The following PDZD7 variants were observed in gnomAD, a reference collection of about 807,000 sequenced individuals.
PDZD7 encodes PDZ domain-containing protein 7.
Under a neutral mutation model 84.7 loss-of-function variants are expected in PDZD7, and 72 were observed. The observed-to-expected ratio is 0.85, with a 90% CI of 0.70 to 1.03. The LOEUF is 1.03. Ranked by LOEUF, PDZD7 falls within the 50% of genes least tolerant of loss-of-function variation. PDZD7 has a pLI of 0.00. For missense variants in PDZD7, 1,490 were observed against 1,412.9 expected (o/e 1.05, Z -0.87); for synonymous variants, 594 against 580.7 (o/e 1.02, Z -0.33).
Position 101,022,292 on chromosome 10 carries a change from G to A in PDZD7, c.636C>T (p.His212=). 1 of 1,614,226 alleles carries A rather than the reference G, an allele frequency of 6.2e-7. No individual in the cohort carries two copies. The highest frequency in any genetic ancestry group is 8.5e-7 in the Non-Finnish European group (1 of 1,180,054). ...AGAAGTCGTCGGAGGTTGTGTATAG[G>A]TGGACGATGCGCCGGACACCATCTT... ...SSEDGVRRIV[H]LYTTSDDFCL... The change falls in exon 5 of 17, where the codon CAC becomes CAT. Residue 212 remains histidine (H), a synonymous_variant. Transcript: ENST00000619208.
intron 11 of PDZD7, 27 bp downstream of exon 11, chr10:101,015,609 A>G (rs1386917568): frequency 6.5e-7 from 1 of 1,541,856 alleles, no homozygotes; most frequent in African/African-American, 1.4e-5. Flanking sequence ...ACCGTGTGCC[A>G]GGGCTGCGGA....
At chr10:101,030,627 C>G (rs528331250) in intron 1 of PDZD7, 23 of 372,696 alleles carry the variant, frequency 6.2e-5, no homozygotes, top group Non-Finnish European at 1.6e-5. Flanking sequence ...CATCTACTCC[C>G]GTCCCCAGTC....
intron 8 of PDZD7, 115 bp from the exon 9 acceptor site, chr10:101,018,411 GC>G (rs1852838976): frequency 4.4e-6 from 5 of 1,128,446 alleles, no homozygotes; most frequent in South Asian, 4.1e-5. Flanking sequence ...GACAGGATCT[GC>G]AGCTACGCCG....
At position 101,015,652 on chromosome 10, in the gene PDZD7, G is replaced by A; in HGVS notation, c.1733C>T (p.Thr578Ile). 1 of 1,549,910 alleles carries A rather than the reference G, an allele frequency of 6.5e-7. No homozygotes were observed. The highest frequency in any genetic ancestry group is 8.7e-7 in the Non-Finnish European group (1 of 1,146,486). ...LLTDDEVLAVTRHCSRYVHEG... is the reference protein window; with the variant it reads ...LLTDDEVLAVIRHCSRYVHEG... Reference sequence around the variant, plus strand: ...AAGGCTTACCCGGGAGCAGTGGCGGGTGACAGCCAGCACCTCGTCATCAGT... The same window carrying A: ...AAGGCTTACCCGGGAGCAGTGGCGGATGACAGCCAGCACCTCGTCATCAGT... The change falls in exon 11 of 17, where the codon ACC becomes ATC. Residue 578 changes from threonine to isoleucine, a missense_variant. By Grantham distance (89) the Thr-to-Ile change is moderately conservative (BLOSUM62 -1). Transcript: ENST00000619208.
intron 9 of PDZD7, chr10:101,017,873 A>AAGAAAGAAAGAG (rs1852759411): frequency 1.6e-5 from 6 of 383,210 alleles, no homozygotes; most frequent in Middle Eastern, 7.3e-4. Flanking sequence ...GAAAGAAAGA[A>AAGAAAGAAAGAG]AGAAAGAAAG....
In PDZD7 at chr10:101,008,990, T is replaced by A. The variant is rs367910833; in HGVS notation, c.2719-140A>T. 39 of 1,149,602 alleles carry A rather than the reference T, an allele frequency of 3.4e-5. No homozygotes were observed. In the African/African-American group the frequency reaches 4.2e-4, roughly 12 times the overall value. The allele number at this position is 1,149,602 out of a possible 1,614,324, so 71.2% of individuals were successfully genotyped here. A position where few individuals can be genotyped will look rare whatever the true frequency, so the allele number is the denominator to read the frequency against. On this transcript the variant is annotated intron_variant, in intron 16 of 16. Coordinates refer to ENST00000619208, the MANE Select transcript of PDZD7 (RefSeq NM_001195263.2). ...GGGTGGAGGGGATGGACAATGAGACTTTTGTGCCTGCAGTTGTTGGGGGCA... is the reference window on the plus strand; with the variant it reads ...GGGTGGAGGGGATGGACAATGAGACATTTGTGCCTGCAGTTGTTGGGGGCA...
At position 101,030,134 on chromosome 10, in the gene PDZD7, C is replaced by G; in HGVS notation, c.86G>C (p.Gly29Ala). 6.2e-7 allele frequency: 1 copy of G among 1,614,144 alleles called. No individual in the cohort carries two copies. The highest frequency in any genetic ancestry group is 8.5e-7 in the Non-Finnish European group (1 of 1,180,028). ...SGSLSSLSSR[G>A]HLGSDSGSTA... ...GGAGCCTGAGTCGCTGCCTAGGTGG[C>G]CTCGGGAGGAGAGGGAGCTCAGAGA... The change falls in exon 2 of 17, where the codon GGC (glycine) becomes GCC (alanine). Residue 29 changes from glycine (G) to alanine (A), a missense_variant. Transcript: ENST00000619208.
chr10:101,018,392 G>T, intron 8 of PDZD7, 96 bp from the exon 9 acceptor site: 1 of 1,345,702 alleles, frequency 7.4e-7, no homozygotes, highest in African/African-American at 1.4e-5. Flanking sequence ...GAAGGGAGAG[G>T]AGAGGGCAGA....
rs1388637161 is a variant in PDZD7 at position 101,019,185 on chromosome 10, C to T, written c.961G>A (p.Ala321Thr). The change falls in exon 8 of 17, where the codon GCC becomes ACC. Residue 321 changes from alanine (A) to threonine (T), a missense_variant. Transcript: ENST00000619208. Reference sequence around the variant, plus strand: ...GAGACGCTGGAGCTGCTCTCAGAGGCCGGGGACAGCTGCTGCAGCACCCCG... The same window carrying T: ...GAGACGCTGGAGCTGCTCTCAGAGGTCGGGGACAGCTGCTGCAGCACCCCG... ...SNGVLQQLSP[A>T]SESSSSVSSC... The T allele has an allele frequency of 3.9e-6, 6 of 1,536,238 alleles. No individual in the cohort carries two copies. The Admixed American group carries it at 1.2e-4, about 30-fold the overall frequency.
chr10:101,012,320 A>T, intron 11 of PDZD7, 62 bp from the exon 12 acceptor site: 9 of 1,339,976 alleles, frequency 6.7e-6, no homozygotes, highest in Non-Finnish European at 9.4e-6. Context: ...AGTGAGGGGG[A>T]CACCAGGGCA....
chr10:101,016,319 C>T lies in PDZD7; in HGVS notation c.1573+58G>A, dbSNP rs112529018. 775 of 1,528,468 alleles carry T rather than the reference C, an allele frequency of 5.1e-4. 7 individuals carry two copies. In the African/African-American group the frequency reaches 9.2e-3, roughly 18 times the overall value. 94.7% of individuals were successfully genotyped at this position (1,528,468 alleles called of 1,614,324 possible). On this transcript the variant is annotated intron_variant, in intron 10 of 16. Transcript: ENST00000619208. ...AGCCACTCAGCTGGCCCCCAGTATG[C>T]ACCCTCATCTGCCGCTCTACTGTAA...
At position 101,022,176 on chromosome 10, in the gene PDZD7, C is replaced by A. The variant is rs376291467; in HGVS notation, c.719+33G>T. On this transcript the variant is annotated intron_variant, in intron 5 of 16. Coordinates refer to ENST00000619208, the MANE Select transcript of PDZD7 (RefSeq NM_001195263.2). Reference sequence around the variant, plus strand: ...CCCACTCCAGACCCCATTCTCAGTTCTACCCGAAGACACTTCCTGCCTCAG... The same window carrying A: ...CCCACTCCAGACCCCATTCTCAGTTATACCCGAAGACACTTCCTGCCTCAG... 4 of 1,613,244 alleles carry A rather than the reference C, an allele frequency of 2.5e-6. No individual in the cohort carries two copies. In the African/African-American group the frequency reaches 5.3e-5, roughly 22 times the overall value.
intron 2 of PDZD7, among the ~76,000 whole-genome samples, chr10:101,029,386 T>G (rs79020204): frequency 6.6e-6 from 1 of 152,058 alleles, no homozygotes; most frequent in Non-Finnish European, 1.5e-5. Context: ...GGTATAGAAT[T>G]GTGCTCCATG....
chr10:101,020,812 G>A (rs562886348), intron 6 of PDZD7, 134 bp from the exon 7 acceptor site: 16 of 689,256 alleles, frequency 2.3e-5, no homozygotes, highest in East Asian at 1.1e-4. Flanking sequence ...TGCTCTGGCC[G>A]CACAGGCCAC....
At chr10:101,017,855 GAAA>G (rs1564632282) in intron 9 of PDZD7, 8 of 330,792 alleles carry the variant, frequency 2.4e-5, no homozygotes, top group African/African-American at 4.8e-5. Context: ...AAGAAAGAAA[GAAA>G]GAAAGAAAGA....
Position 101,018,155 on chromosome 10 carries a change from C to T in PDZD7, c.1466G>A (p.Trp489Ter). The part of the protein sequence containing the change: ...RLARDGRREA[W>*]TLDSGSLAKT... ...GGCCAGGCTCCCGCTGTCCAGTGTCCAGGCCTCTCTGCGCCCGTCCCGCGC... is the reference window on the plus strand; with the variant it reads ...GGCCAGGCTCCCGCTGTCCAGTGTCTAGGCCTCTCTGCGCCCGTCCCGCGC... The change falls in exon 9 of 17, where the codon TGG (tryptophan) becomes TAG (stop). Residue 489 changes from tryptophan (W) to a stop codon, truncating the protein, a stop_gained. Transcript: ENST00000619208. LOFTEE classifies it high-confidence loss of function. 1.2e-6 allele frequency: 2 copies of T among 1,614,212 alleles called. No homozygotes were observed. The highest frequency in any genetic ancestry group is 1.7e-6 in the Non-Finnish European group (2 of 1,180,036).
rs1262859558 is a variant in PDZD7, at chr10:101,018,872, CT to C, written c.1273del (p.Ser425AlafsTer14). On this transcript the variant is annotated frameshift_variant, in exon 8 of 17. Coordinates refer to ENST00000619208, the MANE Select transcript of PDZD7 (RefSeq NM_001195263.2). LOFTEE classifies it high-confidence loss of function. Reference sequence around the variant, plus strand: ...GCGCGTGATGGGGGGCCGGGGTCGGCTGAGGGCCAGCAGCAAAGCCGTCTTG... The same window carrying C: ...GCGCGTGATGGGGGGCCGGGGTCGGCGAGGGCCAGCAGCAAAGCCGTCTTG... ...SPKTALLLAL[S>X]RPRPPITRSQ... 1 of 1,604,054 alleles carries C rather than the reference CT, an allele frequency of 6.2e-7. No homozygotes were observed. The highest frequency in any genetic ancestry group is 2.2e-5 in the East Asian group (1 of 44,488).
At position 101,011,985 on chromosome 10, in the gene PDZD7, A is replaced by T. The variant is rs1852409169; in HGVS notation, c.1873T>A (p.Phe625Ile). 2 of 1,550,388 alleles carry T rather than the reference A, an allele frequency of 1.3e-6. No individual in the cohort carries two copies. The highest frequency in any genetic ancestry group is 2.7e-5 in the African/African-American group (2 of 73,044). The change falls in exon 13 of 17, where the codon TTC (phenylalanine) becomes ATC (isoleucine). Residue 625 changes from phenylalanine to isoleucine, a missense_variant. Phe to Ile is a conservative substitution (Grantham distance 21). Coordinates refer to ENST00000619208, the MANE Select transcript of PDZD7 (RefSeq NM_001195263.2). ...TCCACAAGCATCACCATGCTGTCGA[A>T]GCGGCCCAGGTCTGTGGGGGCCACC... ...SVVAPTDLGR[F>I]DSMVMLVELE...
chr10:101,011,897 C>T (rs1852405113), intron 13 of PDZD7, 28 bp downstream of exon 13: 1 of 1,549,610 alleles, frequency 6.5e-7, no homozygotes. Context: ...GGGCTCAGGA[C>T]CCAGAAGCCC....
Sources: gnomAD v4.1 joint callset for allele counts (sites outside exome capture counted in the v4.1 genomes callset) on GRCh38, gnomAD v4.1.1 for gene constraint, MANE v1.5 for transcripts, NCBI Gene and HGNC (gene_info 2026-07-23, HGNC 2026-07-21) for gene names.